The following APC variants were observed in gnomAD, a reference collection of about 807,000 sequenced individuals.
The protein encoded by APC is APC regulator of Wnt signaling pathway, also known as adenomatous polyposis coli protein.
Under a neutral mutation model 247.0 loss-of-function variants are expected in APC, and 72 were observed. The observed-to-expected ratio is 0.29, with a 90% CI of 0.24 to 0.35. The LOEUF (loss-of-function observed/expected upper bound fraction) is 0.35, where lower values mean the gene tolerates loss of function less well. Ranked by LOEUF, APC falls within the 10% of genes least tolerant of loss-of-function variation. The pLI, the probability that APC is intolerant of heterozygous loss-of-function variation, is 1.00. For synonymous variants in APC, 1,254 were observed against 1,162.5 expected (o/e 1.08, Z -1.60); for missense variants, 3,400 against 3,360.7 (o/e 1.01, Z -0.29).
chr5:112,710,689 G>A lies in APC; in HGVS notation c.165+2807G>A, dbSNP rs924811859. Among the ~76,000 whole-genome samples, 7 of 152,160 alleles carry A rather than the reference G, an allele frequency of 4.6e-5. No homozygotes were observed. The South Asian group carries it at 6.2e-4, about 14-fold the overall frequency. ...TTAAAGACTTATTCTTTCATCCCAG[G>A]AAGCTGTTATAGTAGGAAGAACATT... On this transcript the variant is annotated intron_variant, in intron 1 of 13. Coordinates refer to the APC transcript ENST00000507379.
intron 11 of APC, among the ~76,000 whole-genome samples, chr5:112,823,119 G>A (rs1178492326): frequency 3.3e-5 from 5 of 152,082 alleles, no homozygotes; most frequent in Non-Finnish European, 5.9e-5. Flanking sequence ...TTTTTAAAAT[G>A]CTAATCATAA....
chr5:112,786,202 TCCTCAGCCTCCCACATAG>T (rs1758932279), intron 6 of APC, among the ~76,000 whole-genome samples: 1 of 152,164 alleles, frequency 6.6e-6, no homozygotes. Flanking sequence ...CAACCCTCCT[TCCTCAGCCTCCCACATAG>T]TTGGGACTTT....
intron 6 of APC, among the ~76,000 whole-genome samples, chr5:112,781,241 T>TGA (rs1758315377): frequency 6.6e-6 from 1 of 152,152 alleles, no homozygotes; most frequent in Non-Finnish European, 1.5e-5. Flanking sequence ...ATAAAGGCAT[T>TGA]CAGAACATGT....
rs774296531 is a variant in APC, at chr5:112,801,298, A to G, written c.749A>G (p.His250Arg). ...TAACAGAGGTCATCTCAGAACAAGC[A>G]TGAAACCGGCTCACATGATGCTGAG... The part of the protein sequence containing the change: ...TEAERSSQNK[H>R]ETGSHDAERQ... The change falls in exon 8 of 16, where the codon CAT becomes CGT. Residue 250 changes from histidine to arginine, a missense_variant. Around this residue, in one of 9 missense-constraint regions of APC, gnomAD observed 372 missense variants for 367.6 expected, o/e 1.01. Transcript: ENST00000257430. 71 of 1,612,954 alleles carry G rather than the reference A, an allele frequency of 4.4e-5. No homozygotes were observed. The highest frequency in any genetic ancestry group is 6.0e-5 in the Non-Finnish European group (71 of 1,179,160).
At chr5:112,749,739 C>T (rs1581104509) in intron 1 of APC, among the ~76,000 whole-genome samples, 1 of 151,822 alleles carries the variant, frequency 6.6e-6, no homozygotes, top group Non-Finnish European at 1.5e-5. Context: ...CCCGCCTTGG[C>T]CTCCCAAAGT....
intron 11 of APC, among the ~76,000 whole-genome samples, chr5:112,825,240 C>T (rs1021541486): frequency 1.1e-4 from 17 of 152,206 alleles, no homozygotes; most frequent in African/African-American, 4.1e-4. Context: ...TTCTCTTCAT[C>T]CCCAGTCCAA....
intron 7 of APC, 112 bp downstream of exon 7, chr5:112,792,641 G>C: frequency 1.3e-6 from 1 of 757,120 alleles, no homozygotes; most frequent in Admixed American, 2.3e-5. Flanking sequence ...TTCTTTCAGA[G>C]AATTTAAATA....
At chr5:112,745,039 T>C (rs569729303) in intron 1 of APC, among the ~76,000 whole-genome samples, 2 of 152,294 alleles carry the variant, frequency 1.3e-5, no homozygotes, top group East Asian at 3.9e-4. Flanking sequence ...ACGTGAGATA[T>C]TGTAAGTACT....
chr5:112,792,557 G>T (rs761469302), intron 7 of APC, 28 bp downstream of exon 7: 21 of 1,542,400 alleles, frequency 1.4e-5, no homozygotes, highest in African/African-American at 5.5e-5. Flanking sequence ...CTTGTTTGTG[G>T]GTATAAAAAT....
intron 1 of APC, among the ~76,000 whole-genome samples, chr5:112,745,683 C>A (rs1000080377): frequency 6.6e-6 from 1 of 151,882 alleles, no homozygotes; most frequent in African/African-American, 2.4e-5. Flanking sequence ...AGCGACCCCC[C>A]CACCCCACAC....
At chr5:112,813,723 G>A (rs1019810673) in intron 8 of APC, among the ~76,000 whole-genome samples, 2 of 149,612 alleles carry the variant, frequency 1.3e-5, no homozygotes, top group African/African-American at 4.9e-5. Flanking sequence ...TTCAGAGCCA[G>A]CCTGGGCAAC....
intron 10 of APC, among the ~76,000 whole-genome samples, chr5:112,819,915 C>T (rs1260094495): frequency 6.6e-6 from 1 of 152,096 alleles, no homozygotes; most frequent in African/African-American, 2.4e-5. Flanking sequence ...AAGTGGTAGA[C>T]CCAGGAACAG....
Position 112,741,125 on chromosome 5 carries a change from A to G in APC, c.-19+3200A>G, listed in dbSNP as rs189842127. ...ATATTTATTAGGATACCTTCTAAATATCATCTTTGAAAAATGCTGGAGTCA... is the reference window on the plus strand; with the variant it reads ...ATATTTATTAGGATACCTTCTAAATGTCATCTTTGAAAAATGCTGGAGTCA... On this transcript the variant is annotated intron_variant, in intron 1 of 15. Transcript: ENST00000257430. Among the ~76,000 whole-genome samples, 9 of 152,122 alleles carry G rather than the reference A, an allele frequency of 5.9e-5. No homozygotes were observed. The East Asian group carries it at 1.8e-3, about 31-fold the overall frequency.
chr5:112,782,358 G>A lies in APC; in HGVS notation c.645+1455G>A, dbSNP rs1247792576. ...ATGGGAGCTGCAAGATGAGATTTGGGTGGGGACACAGCCAAACCATATCAC... is the reference window on the plus strand; with the variant it reads ...ATGGGAGCTGCAAGATGAGATTTGGATGGGGACACAGCCAAACCATATCAC... On this transcript the variant is annotated intron_variant, in intron 6 of 15. Coordinates refer to ENST00000257430, the MANE Select transcript of APC (RefSeq NM_000038.6). Among the ~76,000 whole-genome samples, 5 of 152,244 alleles carry A rather than the reference G, an allele frequency of 3.3e-5. No homozygotes were observed. In the East Asian group the frequency reaches 5.8e-4, roughly 18 times the overall value.
chr5:112,787,822 T>C (rs1759134064), intron 6 of APC, among the ~76,000 whole-genome samples: 1 of 152,208 alleles, frequency 6.6e-6, no homozygotes, highest in African/African-American at 2.4e-5. Context: ...TCTTTTCCTG[T>C]ACTGAAGTCG....
In APC at chr5:112,846,056, G is replaced by C. The variant is rs925366728; in HGVS notation, c.*1930G>C. 3 of 231,944 alleles carry C rather than the reference G, an allele frequency of 1.3e-5. No homozygotes were observed. Among genetic ancestry groups the C allele is most frequent in the African/African-American group, 6.6e-5 (3 of 45,250 alleles). 14.4% of individuals were successfully genotyped at this position (231,944 alleles called of 1,614,324 possible). A position where few individuals can be genotyped will look rare whatever the true frequency, so the allele number is the denominator to read the frequency against. On this transcript the variant is annotated 3_prime_UTR_variant, in exon 16 of 16. Transcript: ENST00000257430. ...CCAGTAAATAAAAGTGCTATGACTT[G>C]AGCTAAGATATTTGACTCCAATGCC...
chr5:112,721,429 T>TA (rs969615872), intron 1 of APC, among the ~76,000 whole-genome samples: 1 of 151,930 alleles, frequency 6.6e-6, no homozygotes, highest in Non-Finnish European at 1.5e-5. Flanking sequence ...AAAAATAAAA[T>TA]AAAAAAATAA....
At chr5:112,764,487 G>A (rs1756044304) in intron 2 of APC, among the ~76,000 whole-genome samples, 1 of 152,190 alleles carries the variant, frequency 6.6e-6, no homozygotes, top group African/African-American at 2.4e-5. Flanking sequence ...AGCTGGAGGA[G>A]AAAGAGAAGG....
intron 1 of APC, among the ~76,000 whole-genome samples, chr5:112,721,029 T>C (rs772940967): frequency 6.6e-6 from 1 of 152,168 alleles, no homozygotes; most frequent in South Asian, 2.1e-4. Flanking sequence ...GCATTTTTGA[T>C]TGGATTGGAG....
Sources: gnomAD v4.1 joint callset for allele counts (sites outside exome capture counted in the v4.1 genomes callset) on GRCh38, gnomAD v4.1.1 for gene constraint, gnomAD v4.1.1 regional missense constraint, MANE v1.5 for transcripts, NCBI Gene and HGNC (gene_info 2026-07-23, HGNC 2026-07-21) for gene names.